KLHL32: variants seen among roughly 807,000 people sequenced by gnomAD.
KLHL32 encodes kelch like family member 32.
In KLHL32, 35 loss-of-function variants were observed where a neutral mutation model predicts 64.8. The ratio of observed to expected loss-of-function variants is 0.54; its 90% CI spans 0.41 to 0.72. KLHL32 has a LOEUF of 0.72. KLHL32 is among the 30% of genes least tolerant of loss of function. KLHL32 has a pLI of 0.00. For missense variants in KLHL32, 589 were observed against 768.5 expected, an observed-to-expected ratio of 0.77 and a Z score of 2.76; for synonymous variants, 259 against 281.0, an observed-to-expected ratio of 0.92 and a Z score of 0.78.
At chr6:97,067,630 C>A (rs1351371337) in intron 5 of KLHL32, among the ~76,000 whole-genome samples, 1 of 152,178 alleles carries the variant, frequency 6.6e-6, no homozygotes, top group Non-Finnish European at 1.5e-5. Flanking sequence ...CAGGGACTCC[C>A]ATTTCCACTG....
chr6:96,975,822 G>T (rs1011866888), intron 2 of KLHL32, among the ~76,000 whole-genome samples, 175 bp from the exon 3 acceptor site: 3 of 152,076 alleles, frequency 2.0e-5, no homozygotes, highest in African/African-American at 7.2e-5. Flanking sequence ...GAGAGAATAA[G>T]AAAAAGGGAG....
chr6:96,978,346 C>T lies in KLHL32; in HGVS notation c.204+2169C>T, dbSNP rs1775936663. On this transcript the variant is annotated intron_variant, in intron 3 of 10. Coordinates refer to ENST00000369261, the MANE Select transcript of KLHL32 (RefSeq NM_052904.4). The stretch of plus-strand genomic sequence containing the variant: ...TGTCTGTTGTTCCCTTCTTTGCATC[C>T]AAGTATTCTCCGTGTTTAGCTCTCA... 2.0e-5 allele frequency among the ~76,000 whole-genome samples: 3 copies of T among 152,074 alleles called. No homozygotes were observed. The South Asian group carries it at 6.2e-4, about 32-fold the overall frequency.
At chr6:96,944,941 G>C (rs1367362345) in intron 1 of KLHL32, among the ~76,000 whole-genome samples, 1 of 152,148 alleles carries the variant, frequency 6.6e-6, no homozygotes, top group African/African-American at 2.4e-5. Context: ...AAGAATGATC[G>C]TCTTTACTCT....
intron 6 of KLHL32, among the ~76,000 whole-genome samples, chr6:97,101,204 A>G (rs1795681962): frequency 6.6e-6 from 1 of 152,136 alleles, no homozygotes; most frequent in African/African-American, 2.4e-5. Context: ...TTTAAACCAT[A>G]AAATGTATAA....
rs1250583094 is a variant in KLHL32 at position 97,114,219 on chromosome 6, T to A, written c.1064T>A (p.Val355Asp). ...TTCCTGTTTGTGGCAGGAGGGGAAG[T>A]TGAGCATGCCAGTGGCCGGACGTGT... The part of the protein sequence containing the change: ...GDFLFVAGGE[V>D]EHASGRTCAV... The change falls in exon 7 of 11, where the codon GTT becomes GAT. Residue 355 changes from valine to aspartate, a missense_variant. By Grantham distance (152) the Val-to-Asp change is radical. Transcript: ENST00000369261. 1 of 1,614,058 alleles carries A rather than the reference T, an allele frequency of 6.2e-7. No homozygotes were observed. The highest frequency in any genetic ancestry group is 2.2e-5 in the East Asian group (1 of 44,864).
At chr6:97,087,901 T>C (rs1235053869) in intron 6 of KLHL32, among the ~76,000 whole-genome samples, 1 of 152,244 alleles carries the variant, frequency 6.6e-6, no homozygotes, top group East Asian at 1.9e-4. Context: ...AGCCCTTTCC[T>C]TGACAAAATG....
At chr6:96,934,790 A>G (rs1268591051) in intron 1 of KLHL32, among the ~76,000 whole-genome samples, 1 of 152,214 alleles carries the variant, frequency 6.6e-6, no homozygotes, top group East Asian at 1.9e-4. Context: ...ATTGATAGTG[A>G]TTACATGGCT....
At chr6:97,121,245 T>C (rs1297305074) in intron 7 of KLHL32, among the ~76,000 whole-genome samples, 2 of 152,174 alleles carry the variant, frequency 1.3e-5, no homozygotes, top group African/African-American at 2.4e-5. Flanking sequence ...ACCATGCTTT[T>C]CCCACCAAAC....
intron 6 of KLHL32, among the ~76,000 whole-genome samples, chr6:97,087,663 A>G (rs1793624368): frequency 6.6e-6 from 1 of 152,176 alleles, no homozygotes; most frequent in South Asian, 2.1e-4. Context: ...AATATGTGCA[A>G]CCAGTAACTT....
the KLHL32 span, among the ~76,000 whole-genome samples, chr6:96,912,937 C>G: frequency 6.6e-6 from 1 of 152,198 alleles, no homozygotes; most frequent in South Asian, 2.1e-4. Context: ...GGAACCATAA[C>G]TATCAGTTTT....
chr6:97,005,996 G>A (rs556018815), intron 3 of KLHL32, among the ~76,000 whole-genome samples: 2 of 152,140 alleles, frequency 1.3e-5, no homozygotes, highest in African/African-American at 4.8e-5. Context: ...CTTGTTTTGG[G>A]GCATCAAGTT....
intron 1 of KLHL32, among the ~76,000 whole-genome samples, chr6:96,958,591 A>T (rs1378286377): frequency 1.3e-5 from 2 of 152,164 alleles, no homozygotes; most frequent in African/African-American, 4.8e-5. Context: ...AAGAAGTTTG[A>T]CTTTATCTCA....
chr6:97,043,694 T>C (rs1000226621), intron 4 of KLHL32, among the ~76,000 whole-genome samples: 2 of 152,038 alleles, frequency 1.3e-5, no homozygotes, highest in Non-Finnish European at 2.9e-5. Flanking sequence ...TGCACAAAGG[T>C]TTTTCTCCAC....
the KLHL32 span, among the ~76,000 whole-genome samples, chr6:96,898,356 GC>G: frequency 6.6e-6 from 1 of 152,092 alleles, no homozygotes; most frequent in Non-Finnish European, 1.5e-5. Context: ...GCCCTTTCCT[GC>G]TTTTGTGAAA....
rs138000701 is a variant in KLHL32, at chr6:96,995,790, G to A, written c.204+19613G>A. On this transcript the variant is annotated intron_variant, in intron 3 of 10. Coordinates refer to ENST00000369261, the MANE Select transcript of KLHL32 (RefSeq NM_052904.4). ...CCTATCCTGATCACCCTCTGCCACC[G>A]CGTTAAGTTCATATGTAAGGTTCCC... Among the ~76,000 whole-genome samples the A allele has an allele frequency of 5.4e-4, 82 of 152,192 alleles. 1 individual carries two copies. In the East Asian group the frequency reaches 0.01, roughly 19 times the overall value.
intron 6 of KLHL32, among the ~76,000 whole-genome samples, chr6:97,104,654 A>G (rs759288101): frequency 1.3e-5 from 2 of 152,202 alleles, no homozygotes; most frequent in African/African-American, 2.4e-5. Context: ...ATAAGTCTGT[A>G]GTCAGCTATA....
intron 7 of KLHL32, among the ~76,000 whole-genome samples, chr6:97,118,390 G>A (rs537772684): frequency 3.2e-4 from 48 of 152,230 alleles, no homozygotes; most frequent in Non-Finnish European, 5.7e-4. Context: ...AGGCCGAGGC[G>A]GGCGGATCGC....
chr6:97,002,032 C>T (rs908225932), intron 3 of KLHL32, among the ~76,000 whole-genome samples: 2 of 152,120 alleles, frequency 1.3e-5, no homozygotes, highest in Non-Finnish European at 2.9e-5. Flanking sequence ...GATTATGGAA[C>T]CTGAGAAGTC....
intron 6 of KLHL32, among the ~76,000 whole-genome samples, chr6:97,100,438 TC>T (rs1795553690): frequency 6.6e-6 from 1 of 152,172 alleles, no homozygotes; most frequent in Non-Finnish European, 1.5e-5. Context: ...CCTTGTCCTA[TC>T]CCCTTGACAG....
Sources: allele counts gnomAD v4.1 joint callset (sites outside exome capture counted in the v4.1 genomes callset), GRCh38; gene constraint gnomAD v4.1.1; transcripts MANE v1.5; gene names NCBI Gene and HGNC (gene_info 2026-07-23, HGNC 2026-07-21).